ADAMTS3: variants seen among roughly 807,000 people sequenced by gnomAD.
ADAMTS3 encodes ADAM metallopeptidase with thrombospondin type 1 motif 3, also known as A disintegrin and metalloproteinase with thrombospondin motifs 3.
ADAMTS3 carries 73 observed loss-of-function variants against 129.0 expected under a neutral mutation model. The ratio of observed to expected loss-of-function variants is 0.57; its 90% CI spans 0.47 to 0.69. The LOEUF (loss-of-function observed/expected upper bound fraction) is 0.69. ADAMTS3 is among the 30% of genes least tolerant of loss of function. The pLI is 0.00. For synonymous variants in ADAMTS3, 477 were observed against 510.8 expected (o/e 0.93, Z 0.89); for missense variants, 1,457 against 1,514.5 (o/e 0.96, Z 0.63).
intron 4 of ADAMTS3, among the ~76,000 whole-genome samples, chr4:72,399,614 A>G (rs1345318049): frequency 1.3e-5 from 2 of 152,056 alleles, no homozygotes; most frequent in African/African-American, 4.8e-5. Flanking sequence ...CACCTATTTT[A>G]TATAATTCTT....
At chr4:72,491,220 T>C (rs935058383) in intron 3 of ADAMTS3, among the ~76,000 whole-genome samples, 1 of 151,820 alleles carries the variant, frequency 6.6e-6, no homozygotes, top group Non-Finnish European at 1.5e-5. Flanking sequence ...AATTTTGTTG[T>C]TGTTCATTCT....
chr4:72,351,952 A>T (rs73824537), intron 4 of ADAMTS3, among the ~76,000 whole-genome samples: 1 of 151,828 alleles, frequency 6.6e-6, no homozygotes, highest in African/African-American at 2.4e-5. Flanking sequence ...CATTGTTGGC[A>T]ATTTCTCAAA....
chr4:72,519,483 CAT>C (rs1720598195), intron 3 of ADAMTS3, among the ~76,000 whole-genome samples: 1 of 152,174 alleles, frequency 6.6e-6, no homozygotes, highest in Non-Finnish European at 1.5e-5. Flanking sequence ...ACAAATCAGA[CAT>C]AGATTTGGTC....
intron 3 of ADAMTS3, among the ~76,000 whole-genome samples, chr4:72,516,613 T>A (rs1720488923): frequency 6.6e-6 from 1 of 152,164 alleles, no homozygotes; most frequent in South Asian, 2.1e-4. Context: ...GAATGGGAGT[T>A]CACTCATGAT....
intron 3 of ADAMTS3, among the ~76,000 whole-genome samples, chr4:72,470,275 T>C (rs1186758122): frequency 1.3e-5 from 2 of 151,620 alleles, no homozygotes; most frequent in South Asian, 2.1e-4. Flanking sequence ...GATTCCTCTA[T>C]ATCTCAGGCA....
At chr4:72,366,653 G>C (rs1053240452) in intron 4 of ADAMTS3, among the ~76,000 whole-genome samples, 5 of 151,788 alleles carry the variant, frequency 3.3e-5, no homozygotes, top group Admixed American at 2.6e-4. Flanking sequence ...GTCTTGGTGG[G>C]GACATTAGTC....
intron 21 of ADAMTS3, among the ~76,000 whole-genome samples, chr4:72,287,388 T>C (rs557364375): frequency 1.4e-5 from 2 of 143,882 alleles, no homozygotes; most frequent in East Asian, 2.1e-4. Context: ...GAGACAGACA[T>C]ACCAAGTTGG....
chr4:72,287,345 G>C (rs968707764), intron 21 of ADAMTS3, among the ~76,000 whole-genome samples: 6 of 151,392 alleles, frequency 4.0e-5, no homozygotes, highest in African/African-American at 1.5e-4. Flanking sequence ...AAGAGACAGG[G>C]AGAGAGAGAG....
intron 3 of ADAMTS3, among the ~76,000 whole-genome samples, chr4:72,445,675 A>T (rs903901258): frequency 1.3e-5 from 2 of 151,742 alleles, no homozygotes; most frequent in Non-Finnish European, 3.0e-5. Flanking sequence ...AGCTTCACTT[A>T]AAGAATCATA....
chr4:72,460,359 A>G (rs964489946), intron 3 of ADAMTS3, among the ~76,000 whole-genome samples: 3 of 151,692 alleles, frequency 2.0e-5, no homozygotes, highest in Non-Finnish European at 3.0e-5. Context: ...AGCAACTTCA[A>G]AAGCCACTAG....
chr4:72,309,557 T>G lies in ADAMTS3; in HGVS notation c.2056-37A>C, dbSNP rs756350128. 3 of 1,608,356 alleles carry G rather than the reference T, an allele frequency of 1.9e-6. No homozygotes were observed. In the Admixed American group the frequency reaches 5.0e-5, roughly 27 times the overall value. ...AGATGTCAAATGTGGCTAATTTTAG[T>G]GTGCCCAGTAGTGGTCAACATCCCA... On this transcript the variant is annotated intron_variant, in intron 14 of 21. Transcript: ENST00000286657.
chr4:72,290,110 T>C (rs1718617125), intron 20 of ADAMTS3, among the ~76,000 whole-genome samples: 1 of 152,178 alleles, frequency 6.6e-6, no homozygotes, highest in Non-Finnish European at 1.5e-5. Flanking sequence ...TAGCTGACAA[T>C]GCAACATTGA....
chr4:72,493,473 C>T (rs929255797), intron 3 of ADAMTS3, among the ~76,000 whole-genome samples: 1 of 151,990 alleles, frequency 6.6e-6, no homozygotes, highest in Non-Finnish European at 1.5e-5. Context: ...AACAACTTAA[C>T]TCTAATCTCA....
chr4:72,506,361 G>A (rs1207587885), intron 3 of ADAMTS3, among the ~76,000 whole-genome samples: 1 of 152,162 alleles, frequency 6.6e-6, no homozygotes, highest in Admixed American at 6.5e-5. Context: ...GGCCCTGGCT[G>A]CAGGTCTCAT....
intron 3 of ADAMTS3, among the ~76,000 whole-genome samples, chr4:72,497,021 G>C (rs1719889632): frequency 6.6e-6 from 1 of 151,862 alleles, no homozygotes; most frequent in Non-Finnish European, 1.5e-5. Flanking sequence ...TGTCATTCCA[G>C]GTCCCCCCTT....
At chr4:72,397,314 T>C (rs1044832551) in intron 4 of ADAMTS3, among the ~76,000 whole-genome samples, 9 of 152,022 alleles carry the variant, frequency 5.9e-5, no homozygotes, top group Non-Finnish European at 2.9e-5. Context: ...ACCGTAATCC[T>C]AGCACTTTGG....
At chr4:72,467,055 T>C (rs764997644) in intron 3 of ADAMTS3, among the ~76,000 whole-genome samples, 8 of 152,024 alleles carry the variant, frequency 5.3e-5, no homozygotes, top group Non-Finnish European at 8.8e-5. Context: ...TTGTATTTTA[T>C]TTTGTTTTAA....
At chr4:72,561,930 T>C (rs1578797985) in intron 2 of ADAMTS3, among the ~76,000 whole-genome samples, 1 of 152,348 alleles carries the variant, frequency 6.6e-6, no homozygotes, top group Middle Eastern at 3.4e-3. Context: ...AGCAAAGTCA[T>C]GTAAACTTCT....
In ADAMTS3 at chr4:72,320,647, C is replaced by T. The variant is rs1318919926; in HGVS notation, c.1102+67G>A. 2.4e-5 allele frequency: 37 copies of T among 1,515,722 alleles called. No homozygotes were observed. In the Admixed American group the frequency reaches 6.4e-4, roughly 26 times the overall value. The allele number at this position is 1,515,722 out of a possible 1,614,324, so 93.9% of individuals were successfully genotyped here. A position where few individuals can be genotyped will look rare whatever the true frequency, so the allele number is the denominator to read the frequency against. The stretch of plus-strand genomic sequence containing the variant: ...GAGAGCAGAACATTTGAACAGACTG[C>T]CTGATTTAGGATTACTTTTTAAAAG... On this transcript the variant is annotated intron_variant, in intron 7 of 21. Coordinates refer to ENST00000286657, the MANE Select transcript of ADAMTS3 (RefSeq NM_014243.3).
Sources: allele counts gnomAD v4.1 joint callset (sites outside exome capture counted in the v4.1 genomes callset), GRCh38; gene constraint gnomAD v4.1.1; transcripts MANE v1.5; gene names NCBI Gene and HGNC (gene_info 2026-07-23, HGNC 2026-07-21).